The following NCOR2 variants were observed in gnomAD, a reference collection of about 807,000 sequenced individuals.
The protein encoded by NCOR2 is CTG repeat protein 26.
Under a neutral mutation model 262.9 loss-of-function variants are expected in NCOR2, and 81 were observed. The observed-to-expected ratio is 0.31, with a 90% CI of 0.26 to 0.37. The LOEUF (loss-of-function observed/expected upper bound fraction) is 0.37, where lower values mean the gene tolerates loss of function less well. Among genes scored for constraint, NCOR2 ranks in the 10% least tolerant of loss-of-function variants. The probability of loss-of-function intolerance (pLI) is 1.00; values close to 1 mark genes in which losing one functional copy is unlikely to be tolerated. For synonymous variants in NCOR2, 1,659 were observed against 1,559.3 expected (o/e 1.06, Z -1.51); for missense variants, 3,385 against 3,621.4 (o/e 0.93, Z 1.68).
chr12:124,457,954 G>A lies in NCOR2; in HGVS notation c.706-792C>T, dbSNP rs1477546126. 1.3e-5 allele frequency among the ~76,000 whole-genome samples: 2 copies of A among 152,178 alleles called. No individual in the cohort carries two copies. The highest frequency in any genetic ancestry group is 2.9e-5 in the Non-Finnish European group (2 of 68,028). ...GGTGGGGGGCGGAGGGGCTCCTGAAGGTGGCTTCATGGGGGCTGTGGCGGA... is the reference window on the plus strand; with the variant it reads ...GGTGGGGGGCGGAGGGGCTCCTGAAAGTGGCTTCATGGGGGCTGTGGCGGA... On this transcript the variant is annotated intron_variant, in intron 5 of 46. Transcript: ENST00000405201. This position sits in a 1 kb window ranked among gnomAD's most constrained non-coding sequence, Gnocchi z 4.0.
In NCOR2 at chr12:124,466,114, C is replaced by G. The variant is rs529377385; in HGVS notation, c.705+59G>C. ...CACTGAGGCCTGATTCATGGTGCCCCCTGTGAAGCGCCTCATGGCCAGCAC... is the reference window on the plus strand; with the variant it reads ...CACTGAGGCCTGATTCATGGTGCCCGCTGTGAAGCGCCTCATGGCCAGCAC... On this transcript the variant is annotated intron_variant, in intron 5 of 46. Coordinates refer to ENST00000405201, the Ensembl canonical transcript of NCOR2. 11 of 1,486,802 alleles carry G rather than the reference C, an allele frequency of 7.4e-6. No individual in the cohort carries two copies. The East Asian group carries it at 1.4e-4, about 19-fold the overall frequency. The allele number at this position is 1,486,802 out of a possible 1,614,324, so 92.1% of individuals were successfully genotyped here. A position where few individuals can be genotyped will look rare whatever the true frequency, so the allele number is the denominator to read the frequency against.
chr12:124,423,762 C>G (rs2043361879), intron 11 of NCOR2, among the ~76,000 whole-genome samples: 1 of 152,208 alleles, frequency 6.6e-6, no homozygotes, highest in Non-Finnish European at 1.5e-5. Context: ...TCCCCTGTTC[C>G]CCTCCCTCAA....
intron 1 of NCOR2, among the ~76,000 whole-genome samples, chr12:124,512,645 TCACTCCCTGCCTAGCTCTGAGCCCAAGCC>T (rs1301439800): frequency 6.6e-6 from 1 of 151,890 alleles, no homozygotes; most frequent in Non-Finnish European, 1.5e-5. Context: ...TCCTGAAAGC[TCACTCCCTGCCTAGCTCTGAGCCCAAGCC>T]CCAGCGGAAC....
intron 28 of NCOR2, among the ~76,000 whole-genome samples, chr12:124,349,182 C>T (rs1433757743): frequency 1.3e-5 from 2 of 152,194 alleles, no homozygotes; most frequent in Non-Finnish European, 2.9e-5. Flanking sequence ...CGGCTCACTG[C>T]TCCCCGGACA....
At chr12:124,373,358 GACA>G (rs2039675558) in intron 19 of NCOR2, among the ~76,000 whole-genome samples, 1 of 69,282 alleles carries the variant, frequency 1.4e-5, no homozygotes, top group African/African-American at 3.9e-5. Flanking sequence ...GGGCACAGTG[GACA>G]ATCATGAGGC....
At chr12:124,439,577 G>A (rs539996014) in intron 7 of NCOR2, among the ~76,000 whole-genome samples, 1 of 152,012 alleles carries the variant, frequency 6.6e-6, no homozygotes, top group East Asian at 1.9e-4. Flanking sequence ...AGACAGACAG[G>A]GAGACAGAGG....
Position 124,333,121 on chromosome 12 carries a change from C to G in NCOR2, c.6755+9G>C. 3 of 1,594,556 alleles carry G rather than the reference C, an allele frequency of 1.9e-6. No homozygotes were observed. Among genetic ancestry groups the G allele is most frequent in the South Asian group, 2.2e-5 (2 of 88,930 alleles). On this transcript the variant is annotated intron_variant, in intron 42 of 46. Transcript: ENST00000405201. ...ATCCCGGGGGCAGCGCATGTGCCCA[C>G]AGAAGTACCTGGGCTCCGTCTGTTC...
At chr12:124,334,171 C>T (rs1187230144) in intron 41 of NCOR2, among the ~76,000 whole-genome samples, 4 of 152,202 alleles carry the variant, frequency 2.6e-5, no homozygotes, top group Non-Finnish European at 4.4e-5. Flanking sequence ...CCTATGTCTC[C>T]TGGGGGGCTG....
At chr12:124,381,080 C>T (rs530893262) in intron 17 of NCOR2, among the ~76,000 whole-genome samples, 1 of 152,280 alleles carries the variant, frequency 6.6e-6, no homozygotes, top group South Asian at 2.1e-4. Flanking sequence ...TCAAACTCTC[C>T]AACACCTGGA....
In NCOR2 at chr12:124,482,950, C is replaced by G. The variant is rs1252274669; in HGVS notation, c.411+646G>C. Among the ~76,000 whole-genome samples, 1 of 152,164 alleles carries G rather than the reference C, an allele frequency of 6.6e-6. No individual in the cohort carries two copies. The highest frequency in any genetic ancestry group is 1.5e-5 in the Non-Finnish European group (1 of 68,006). Reference sequence around the variant, plus strand: ...TCCAGGCCATGTCCTAACCAAGCACCGCCCCTTTAGTGCTGAGCCAACTCT... The same window carrying G: ...TCCAGGCCATGTCCTAACCAAGCACGGCCCCTTTAGTGCTGAGCCAACTCT... On this transcript the variant is annotated intron_variant, in intron 3 of 46. Coordinates refer to ENST00000405201, the Ensembl canonical transcript of NCOR2. This position sits in a 1 kb window ranked among gnomAD's most constrained non-coding sequence, Gnocchi z 6.3.
chr12:124,544,755 G>C (rs2051487083), intron 1 of NCOR2, among the ~76,000 whole-genome samples: 2 of 152,220 alleles, frequency 1.3e-5, no homozygotes, highest in Non-Finnish European at 2.9e-5. Context: ...CCAGGCACAA[G>C]TGGGGCTGAC....
rs79884404 is a variant in NCOR2 at position 124,359,975 on chromosome 12, G to A, written c.3100+2151C>T. On this transcript the variant is annotated intron_variant, in intron 22 of 46. Transcript: ENST00000405201. Reference sequence around the variant, plus strand: ...CTAACGCCAGGTGCACCGTCCCCACGGGGAATGAGGCCAGGAAACGGCACA... The same window carrying A: ...CTAACGCCAGGTGCACCGTCCCCACAGGGAATGAGGCCAGGAAACGGCACA... Among the ~76,000 whole-genome samples the A allele has an allele frequency of 2.2e-3, 329 of 152,350 alleles. 3 individuals are homozygous for A. The highest frequency in any genetic ancestry group is 0.019 in the East Asian group (99 of 5,184).
At position 124,481,518 on chromosome 12, in the gene NCOR2, CG is replaced by C. The variant is rs1310309380; in HGVS notation, c.411+2077del. 1.3e-5 allele frequency among the ~76,000 whole-genome samples: 2 copies of C among 152,086 alleles called. No homozygotes were observed. The highest frequency in any genetic ancestry group is 4.8e-5 in the African/African-American group (2 of 41,424). On this transcript the variant is annotated intron_variant, in intron 3 of 46. Coordinates refer to ENST00000405201, the Ensembl canonical transcript of NCOR2. The surrounding 1 kb of genome is among the most constrained non-coding windows in gnomAD (Gnocchi z 4.6). ...GGAGGGCAGCCAGGGCTGGAAGGAG[CG>C]AGGAAAGAGGAATGTGCCTGGGGGA... is the stretch of plus-strand genomic sequence containing the variant.
chr12:124,470,501 T>G (rs2046779173), intron 4 of NCOR2, among the ~76,000 whole-genome samples: 1 of 152,204 alleles, frequency 6.6e-6, no homozygotes, highest in Non-Finnish European at 1.5e-5. Flanking sequence ...ACGGAATATG[T>G]TTCAGCCATA....
At chr12:124,558,175 C>G (rs533366609) in intron 1 of NCOR2, among the ~76,000 whole-genome samples, 8 of 152,286 alleles carry the variant, frequency 5.3e-5, no homozygotes, top group African/African-American at 1.9e-4. Context: ...TCGAGGCCCT[C>G]CCCTGTGGGT....
chr12:124,483,846 T>A lies in NCOR2; in HGVS notation c.234-73A>T. On this transcript the variant is annotated intron_variant, in intron 2 of 46. Coordinates refer to ENST00000405201, the Ensembl canonical transcript of NCOR2. This position sits in a 1 kb window ranked among gnomAD's most constrained non-coding sequence, Gnocchi z 6.3. ...AGAACTCCCGAGGCCCCGACCACCC[T>A]CTGCGCCGAGCATCTACTGCGCGCC... The A allele has an allele frequency of 7.0e-7, 1 of 1,438,422 alleles. No homozygotes were observed. The highest frequency in any genetic ancestry group is 1.4e-5 in the South Asian group (1 of 69,372). The allele number at this position is 1,438,422 out of a possible 1,614,324, so 89.1% of individuals were successfully genotyped here.
exon 38 of NCOR2, chr12:124,337,063 C>A (rs1354526601): frequency 6.7e-7 from 1 of 1,488,794 alleles, no homozygotes; most frequent in Non-Finnish European, 8.9e-7. Flanking sequence ...CCTCCTTGGG[C>A]AGCAAGACGG....
intron 3 of NCOR2, among the ~76,000 whole-genome samples, chr12:124,475,955 C>A (rs950135524): frequency 1.3e-5 from 2 of 152,240 alleles, no homozygotes; most frequent in Non-Finnish European, 2.9e-5. Context: ...CAAAGCAGCA[C>A]CCCTTCCAGG....
intron 4 of NCOR2, among the ~76,000 whole-genome samples, chr12:124,471,215 TC>T (rs1258248105): frequency 1.3e-5 from 2 of 152,156 alleles, no homozygotes; most frequent in Non-Finnish European, 2.9e-5. Context: ...GGAGCGTCCT[TC>T]AAAACCCAGC....
Sources: gnomAD v4.1 joint callset for allele counts (sites outside exome capture counted in the v4.1 genomes callset) on GRCh38, gnomAD v4.1.1 for gene constraint, Gnocchi (gnomAD v3.1) non-coding constraint, MANE v1.5 for transcripts, NCBI Gene and HGNC (gene_info 2026-07-23, HGNC 2026-07-21) for gene names.